The following PLEKHA5 variants were observed in gnomAD, a reference collection of about 807,000 sequenced individuals.
PLEKHA5 encodes the protein pleckstrin homology domain containing A5, also known as pleckstrin homology domain-containing family A member 5.
Under a neutral mutation model 181.9 loss-of-function variants are expected in PLEKHA5, and 55 were observed. That is an observed-to-expected ratio of 0.30 (90% CI 0.24 to 0.38). The LOEUF is 0.38. Ranked by LOEUF, PLEKHA5 falls within the 10% of genes least tolerant of loss-of-function variation. The pLI is 1.00. For missense variants in PLEKHA5, 1,432 were observed against 1,549.5 expected, an observed-to-expected ratio of 0.92 and a Z score of 1.27; for synonymous variants, 535 against 529.4, an observed-to-expected ratio of 1.01 and a Z score of -0.15.
At chr12:19,318,302 C>G (rs2089667737) in intron 16 of PLEKHA5, among the ~76,000 whole-genome samples, 2 of 151,878 alleles carry the variant, frequency 1.3e-5, no homozygotes, top group South Asian at 4.2e-4. Context: ...CCACAAAAAT[C>G]TGATTGATAT....
rs2074064929 is a variant in PLEKHA5, at chr12:19,274,876, C to A, written c.1206C>A (p.Pro402=). ...LRGGNRPNTG[P]LYTEADRVIQ... ...GTGGAAATCGCCCCAATACAGGGCC[C>A]TTATACACAGAGGCCGATCGAGTCA... is the stretch of plus-strand genomic sequence containing the variant. The change falls in exon 11 of 32, where the codon CCC becomes CCA. Residue 402 remains proline (P), a synonymous_variant. Coordinates refer to ENST00000429027, the MANE Select transcript of PLEKHA5 (RefSeq NM_001256470.2). The A allele has an allele frequency of 1.2e-6, 2 of 1,613,854 alleles. No homozygotes were observed. The highest frequency in any genetic ancestry group is 4.5e-5 in the East Asian group (2 of 44,830).
intron 3 of PLEKHA5, among the ~76,000 whole-genome samples, chr12:19,197,755 C>A (rs2053250600): frequency 6.8e-6 from 1 of 146,530 alleles, no homozygotes; most frequent in South Asian, 2.2e-4. Context: ...CGTTCACTTC[C>A]AAGGCTCTTT....
chr12:19,353,790 T>C, intron 25 of PLEKHA5, 94 bp from the exon 26 acceptor site: 1 of 733,184 alleles, frequency 1.4e-6, no homozygotes. Flanking sequence ...ATTTGCTTTC[T>C]GATTTTAAAA....
At chr12:19,145,091 A>T (rs1477402790) in intron 3 of PLEKHA5, among the ~76,000 whole-genome samples, 1 of 152,186 alleles carries the variant, frequency 6.6e-6, no homozygotes, top group African/African-American at 2.4e-5. Flanking sequence ...ATGAGGATCA[A>T]AGTACCTATG....
chr12:19,183,081 C>T (rs922029917), intron 3 of PLEKHA5, among the ~76,000 whole-genome samples: 13 of 152,224 alleles, frequency 8.5e-5, no homozygotes, highest in Admixed American at 4.6e-4. Flanking sequence ...AACACCAAAA[C>T]ATGGTTAACT....
chr12:19,129,903 A>ACGGCACGGGGGCCCGCGGGGG lies in PLEKHA5; in HGVS notation c.89+19_89+39dup. Reference sequence around the variant, plus strand: ...TTCTTCATCAAGTAAAGAGCCGGGGACGGCACGGGGGCCCGCGGGGGCGGG... The same window carrying ACGGCACGGGGGCCCGCGGGGG: ...TTCTTCATCAAGTAAAGAGCCGGGGACGGCACGGGGGCCCGCGGGGGCGGCACGGGGGCCCGCGGGGGCGGG... On this transcript the variant is annotated intron_variant, in intron 1 of 31. Coordinates refer to ENST00000429027, the MANE Select transcript of PLEKHA5 (RefSeq NM_001256470.2). 1 of 1,591,854 alleles carries ACGGCACGGGGGCCCGCGGGGG rather than the reference A, an allele frequency of 6.3e-7. No individual in the cohort carries two copies. The highest frequency in any genetic ancestry group is 1.1e-5 in the South Asian group (1 of 89,296).
intron 3 of PLEKHA5, among the ~76,000 whole-genome samples, chr12:19,141,469 G>C (rs1057473642): frequency 2.6e-4 from 39 of 152,326 alleles, no homozygotes; most frequent in Admixed American, 1.4e-3. Flanking sequence ...AAGTCAAGAT[G>C]TGAAAGACTA....
intron 3 of PLEKHA5, among the ~76,000 whole-genome samples, chr12:19,183,419 A>G (rs1036172517): frequency 3.9e-5 from 6 of 152,194 alleles, no homozygotes; most frequent in Non-Finnish European, 1.5e-5. Flanking sequence ...ACTTATTATC[A>G]ACAACCCTGT....
At chr12:19,210,547 A>G (rs2056702769) in intron 3 of PLEKHA5, among the ~76,000 whole-genome samples, 1 of 152,184 alleles carries the variant, frequency 6.6e-6, no homozygotes, top group African/African-American at 2.4e-5. Flanking sequence ...GTTATTTTCC[A>G]TTCCAGATGA....
At chr12:19,301,104 C>G (rs1378681916) in intron 15 of PLEKHA5, among the ~76,000 whole-genome samples, 1 of 151,972 alleles carries the variant, frequency 6.6e-6, no homozygotes, top group African/African-American at 2.4e-5. Flanking sequence ...GAGCCGAGAT[C>G]GCGCCATTGC....
chr12:19,204,223 G>A (rs1329379292), intron 3 of PLEKHA5, among the ~76,000 whole-genome samples: 2 of 152,114 alleles, frequency 1.3e-5, no homozygotes, highest in African/African-American at 4.8e-5. Context: ...ACCAGGAAGG[G>A]TTGGGAAGAA....
At chr12:19,346,502 A>G (rs1376327654) in intron 23 of PLEKHA5, among the ~76,000 whole-genome samples, 4 of 151,902 alleles carry the variant, frequency 2.6e-5, no homozygotes, top group South Asian at 4.2e-4. Flanking sequence ...TTAGACGGGC[A>G]TGGTGTGCCT....
Position 19,174,643 on chromosome 12 carries a change from G to A in PLEKHA5, c.227+42193G>A, listed in dbSNP as rs187926835. ...TTACTGACCGATGAGCTGATACTTT[G>A]AGGGCTAAGGTGACACCTAGGTTAT... On this transcript the variant is annotated intron_variant, in intron 3 of 31. Coordinates refer to ENST00000429027, the MANE Select transcript of PLEKHA5 (RefSeq NM_001256470.2). 2.6e-5 allele frequency among the ~76,000 whole-genome samples: 4 copies of A among 152,246 alleles called. No homozygotes were observed. The East Asian group carries it at 7.7e-4, about 29-fold the overall frequency.
intron 3 of PLEKHA5, among the ~76,000 whole-genome samples, chr12:19,252,758 A>C (rs947872782): frequency 6.6e-6 from 1 of 152,114 alleles, no homozygotes; most frequent in African/African-American, 2.4e-5. Flanking sequence ...AAGTGTCAAA[A>C]AATTAATCTC....
intron 25 of PLEKHA5, among the ~76,000 whole-genome samples, chr12:19,350,041 G>A (rs1030014818): frequency 1.3e-5 from 2 of 152,304 alleles, no homozygotes; most frequent in Middle Eastern, 6.8e-3. Context: ...GAACCCAGGA[G>A]TCAGAGGTTG....
At chr12:19,171,725 A>T (rs2045935058) in intron 3 of PLEKHA5, among the ~76,000 whole-genome samples, 3 of 152,246 alleles carry the variant, frequency 2.0e-5, no homozygotes, top group African/African-American at 7.2e-5. Flanking sequence ...CAATTAGCTT[A>T]AAACACAAAC....
Position 19,130,272 on chromosome 12 carries a change from G to A in PLEKHA5, c.169+142G>A. The stretch of plus-strand genomic sequence containing the variant: ...CGGAGGCCGGGCGGGAGCGGCCGCA[G>A]GTAGAGGGGCCACGGGGACTCCGCC... On this transcript the variant is annotated intron_variant, in intron 2 of 31. Transcript: ENST00000429027. This position sits in a 1 kb window ranked among gnomAD's most constrained non-coding sequence, Gnocchi z 4.5. 1 of 372,736 alleles carries A rather than the reference G, an allele frequency of 2.7e-6. No individual in the cohort carries two copies. The highest frequency in any genetic ancestry group is 4.6e-6 in the Non-Finnish European group (1 of 218,882). The allele number at this position is 372,736 out of a possible 1,614,324, so 23.1% of individuals were successfully genotyped here. A position where few individuals can be genotyped will look rare whatever the true frequency, so the allele number is the denominator to read the frequency against.
At chr12:19,137,056 TC>T (rs2035860496) in intron 3 of PLEKHA5, among the ~76,000 whole-genome samples, 2 of 152,136 alleles carry the variant, frequency 1.3e-5, no homozygotes, top group Non-Finnish European at 2.9e-5. Flanking sequence ...TTTTTTTTTT[TC>T]TTTGAGACGG....
At chr12:19,153,885 G>A (rs1352626108) in intron 3 of PLEKHA5, 2 of 152,200 alleles carry the variant, frequency 1.3e-5, no homozygotes, top group Non-Finnish European at 2.9e-5. Context: ...CTCAGAAAAT[G>A]AGTTGGAAGG....
Sources: gnomAD v4.1 joint callset for allele counts (sites outside exome capture counted in the v4.1 genomes callset) on GRCh38, gnomAD v4.1.1 for gene constraint, Gnocchi (gnomAD v3.1) non-coding constraint, MANE v1.5 for transcripts, NCBI Gene and HGNC (gene_info 2026-07-23, HGNC 2026-07-21) for gene names.